Variants in PLD5 observed in about 807,000 individuals in gnomAD.
The protein encoded by PLD5 is phospholipase D family member 5.
A neutral mutation model predicts 61.1 loss-of-function variants in PLD5; 36 were observed. The observed-to-expected ratio is 0.59, with a 90% CI of 0.45 to 0.78. The LOEUF (loss-of-function observed/expected upper bound fraction) is 0.78. Ranked by LOEUF, PLD5 falls within the 30% of genes least tolerant of loss-of-function variation. The pLI, the probability that PLD5 is intolerant of heterozygous loss-of-function variation, is 0.00. For missense variants in PLD5, 515 were observed against 644.4 expected, an observed-to-expected ratio of 0.80 and a Z score of 2.17; for synonymous variants, 243 against 242.8, an observed-to-expected ratio of 1.00 and a Z score of -0.01.
intron 1 of PLD5, among the ~76,000 whole-genome samples, chr1:242,500,983 C>T (rs973038149): frequency 2.0e-5 from 3 of 149,186 alleles, no homozygotes; most frequent in Admixed American, 2.0e-4. Context: ...TTTAAGTCAA[C>T]TCATTTTTTT....
chr1:242,291,326 T>A (rs1675348773), intron 2 of PLD5, among the ~76,000 whole-genome samples: 1 of 152,112 alleles, frequency 6.6e-6, no homozygotes, highest in African/African-American at 2.4e-5. Flanking sequence ...TGAAATTACT[T>A]GATTAAGGCC....
intron 4 of PLD5, among the ~76,000 whole-genome samples, chr1:242,244,570 A>C (rs1672252103): frequency 6.6e-6 from 1 of 152,228 alleles, no homozygotes; most frequent in Admixed American, 6.5e-5. Context: ...GCATGGGTTT[A>C]GAAACAATGG....
At chr1:242,297,175 C>G (rs1228031087) in intron 2 of PLD5, among the ~76,000 whole-genome samples, 2 of 152,014 alleles carry the variant, frequency 1.3e-5, no homozygotes, top group African/African-American at 4.8e-5. Context: ...GAAAACCCAT[C>G]TCTACTAAAA....
chr1:242,281,977 G>A (rs1246062374), intron 3 of PLD5, among the ~76,000 whole-genome samples: 2 of 152,132 alleles, frequency 1.3e-5, no homozygotes, highest in African/African-American at 4.8e-5. Flanking sequence ...TCTCACGTTT[G>A]CAGAAACTCT....
At chr1:242,192,127 T>C (rs890827916) in intron 5 of PLD5, 1 of 152,274 alleles carries the variant, frequency 6.6e-6, no homozygotes, top group African/African-American at 2.4e-5. Flanking sequence ...AACTGCCTAG[T>C]TGACGTTGCC....
intron 7 of PLD5, among the ~76,000 whole-genome samples, chr1:242,111,199 G>T (rs1350756538): frequency 6.6e-6 from 1 of 152,002 alleles, no homozygotes; most frequent in Non-Finnish European, 1.5e-5. Context: ...TGGGATTATA[G>T]GTGTCTGCCA....
rs1675152602 is a variant in PLD5, at chr1:242,288,370, C to G, written c.487G>C (p.Ala163Pro). The G allele has an allele frequency of 1.5e-5, 24 of 1,612,706 alleles. No individual in the cohort carries two copies. The highest frequency in any genetic ancestry group is 2.0e-5 in the Non-Finnish European group (24 of 1,179,612). ...CAGAGGATGTAGCTTACCTGACATG[C>G]TGATGGATGAGTGTGGTTGAGATCC... ...HWDLNHTHPS[A>P]CQGQRLFEKL... The change falls in exon 3 of 10, where the codon GCA becomes CCA. Residue 163 changes from alanine (A) to proline (P), a missense_variant. By Grantham distance (27) the Ala-to-Pro change is conservative. Transcript: ENST00000536534.
chr1:242,089,514 T>C lies in PLD5; in HGVS notation c.*340A>G, dbSNP rs192103249. On this transcript the variant is annotated 3_prime_UTR_variant, in exon 10 of 10. Coordinates refer to ENST00000536534, the MANE Select transcript of PLD5 (RefSeq NM_001372062.1). ...GAATGGTGTTAAAGAGCCCACCTCA[T>C]GCTAAGCTTCCTAACAACTGACCGG... 1.9e-4 allele frequency: 95 copies of C among 494,934 alleles called. No homozygotes were observed. The highest frequency in any genetic ancestry group is 1.6e-3 in the Middle Eastern group (3 of 1,906). 30.7% of individuals were successfully genotyped at this position (494,934 alleles called of 1,614,324 possible). A position where few individuals can be genotyped will look rare whatever the true frequency, so the allele number is the denominator to read the frequency against.
At chr1:242,168,853 T>TTTTTTTTG (rs1666529122) in intron 5 of PLD5, among the ~76,000 whole-genome samples, 5 of 137,834 alleles carry the variant, frequency 3.6e-5, no homozygotes, top group African/African-American at 1.3e-4. Flanking sequence ...GAAGTTTTTT[T>TTTTTTTTG]TTTTTTTTTT....
chr1:242,346,666 G>T (rs956102916), intron 2 of PLD5, among the ~76,000 whole-genome samples: 28 of 152,196 alleles, frequency 1.8e-4, no homozygotes, highest in African/African-American at 6.5e-4. Context: ...TTAAGTTCAG[G>T]GGTACAAGTG....
At chr1:242,426,890 C>T (rs1665457758) in intron 1 of PLD5, among the ~76,000 whole-genome samples, 2 of 152,232 alleles carry the variant, frequency 1.3e-5, no homozygotes, top group Middle Eastern at 6.8e-3. Flanking sequence ...AAGTGATGTG[C>T]GCCACCACCA....
rs562470905 is a variant in PLD5, at chr1:242,211,131, G to A, written c.735+8857C>T. ...ATGAAGCTGGATACACTAAACAACA[G>A]ATTTTCAATGTAGACAAAACAACCT... is the stretch of plus-strand genomic sequence containing the variant. On this transcript the variant is annotated intron_variant, in intron 5 of 9. Coordinates refer to ENST00000536534, the MANE Select transcript of PLD5 (RefSeq NM_001372062.1). 1.0e-3 allele frequency among the ~76,000 whole-genome samples: 154 copies of A among 152,312 alleles called. 1 individual carries two copies. The highest frequency in any genetic ancestry group is 3.3e-3 in the African/African-American group (139 of 41,566).
chr1:242,295,103 T>C (rs1313625653), intron 2 of PLD5, among the ~76,000 whole-genome samples: 2 of 152,214 alleles, frequency 1.3e-5, no homozygotes, highest in Non-Finnish European at 1.5e-5. Flanking sequence ...AGTCAAGTGA[T>C]GGGGTTTTTT....
intron 5 of PLD5, among the ~76,000 whole-genome samples, chr1:242,168,843 GAA>G (rs1666515850): frequency 2.4e-5 from 1 of 41,634 alleles, no homozygotes; most frequent in Admixed American, 4.3e-4. Flanking sequence ...TTTAATTAAT[GAA>G]GTTTTTTTTT....
At chr1:242,360,291 G>C (rs1455229607) in intron 1 of PLD5, among the ~76,000 whole-genome samples, 5 of 151,624 alleles carry the variant, frequency 3.3e-5, no homozygotes, top group Non-Finnish European at 4.4e-5. Flanking sequence ...GTTCATTTGT[G>C]AACATTAAAA....
chr1:242,226,297 C>T (rs1670938199), intron 4 of PLD5, among the ~76,000 whole-genome samples: 1 of 152,140 alleles, frequency 6.6e-6, no homozygotes, highest in South Asian at 2.1e-4. Context: ...GCATACATCA[C>T]AATGTGACGC....
intron 5 of PLD5, among the ~76,000 whole-genome samples, chr1:242,210,040 C>T (rs546293078): frequency 1.3e-5 from 2 of 152,278 alleles, no homozygotes; most frequent in African/African-American, 4.8e-5. Flanking sequence ...GGTGATCTGC[C>T]CGCCTCGGCC....
At chr1:242,273,418 C>T (rs545348067) in intron 3 of PLD5, among the ~76,000 whole-genome samples, 11 of 152,122 alleles carry the variant, frequency 7.2e-5, no homozygotes, top group Admixed American at 2.0e-4. Context: ...TAATTCAGTT[C>T]GAAACAGTTA....
chr1:242,171,062 A>G (rs1366386983), intron 5 of PLD5, among the ~76,000 whole-genome samples: 1 of 152,208 alleles, frequency 6.6e-6, no homozygotes, highest in Non-Finnish European at 1.5e-5. Context: ...CTCCTCGAGC[A>G]GAGCAACCCC....
Sources: gnomAD v4.1 joint callset for allele counts (sites outside exome capture counted in the v4.1 genomes callset) on GRCh38, gnomAD v4.1.1 for gene constraint, MANE v1.5 for transcripts, NCBI Gene and HGNC (gene_info 2026-07-23, HGNC 2026-07-21) for gene names.